Variants in ACOT13 observed in about 807,000 individuals in gnomAD.
ACOT13 encodes acyl-CoA thioesterase 13, also known as acyl-coenzyme A thioesterase 13.
In ACOT13, 10 loss-of-function variants were observed where a neutral mutation model predicts 11.8. The ratio of observed to expected loss-of-function variants is 0.85; its 90% CI spans 0.53 to 1.44. ACOT13 has a LOEUF of 1.44. ACOT13 is among the 40% of genes most tolerant of loss of function. The probability of loss-of-function intolerance (pLI) is 0.00; values close to 1 mark genes in which losing one functional copy is unlikely to be tolerated. For missense variants in ACOT13, 172 were observed against 174.1 expected (o/e 0.99, Z 0.07); for synonymous variants, 53 against 61.0 (o/e 0.87, Z 0.61).
chr6:24,683,485 G>A (rs1050185297), intron 1 of ACOT13, among the ~76,000 whole-genome samples: 1 of 151,918 alleles, frequency 6.6e-6, no homozygotes, highest in Non-Finnish European at 1.5e-5. Context: ...GCAGTGAGCC[G>A]AGATTGTGCT....
intron 1 of ACOT13, among the ~76,000 whole-genome samples, chr6:24,674,566 G>A (rs549124835): frequency 2.6e-5 from 4 of 151,852 alleles, no homozygotes; most frequent in South Asian, 4.2e-4. Context: ...CTGCCACCAC[G>A]CCTGGCTAAT....
chr6:24,680,565 C>T lies in ACOT13; in HGVS notation c.81+13221C>T, dbSNP rs187182921. Among the ~76,000 whole-genome samples the T allele has an allele frequency of 1.6e-4, 25 of 152,216 alleles. No homozygotes were observed. In the East Asian group the frequency reaches 4.6e-3, roughly 28 times the overall value. ...GGACCTCTGCTTATCGGATTAGTTACGCTCACCAATGTAGCAGTCCTGCAC... is the reference window on the plus strand; with the variant it reads ...GGACCTCTGCTTATCGGATTAGTTATGCTCACCAATGTAGCAGTCCTGCAC... On this transcript the variant is annotated intron_variant, in intron 1 of 2. Transcript: ENST00000230048.
intron 1 of ACOT13, among the ~76,000 whole-genome samples, chr6:24,693,673 T>A (rs1367272402): frequency 1.3e-5 from 2 of 151,818 alleles, no homozygotes; most frequent in Non-Finnish European, 2.9e-5. Context: ...CTCTTTGTGA[T>A]GAATTGTATC....
In ACOT13 at chr6:24,673,153, T is replaced by C. The variant is rs372999193; in HGVS notation, c.81+5809T>C. Among the ~76,000 whole-genome samples, 123 of 152,234 alleles carry C rather than the reference T, an allele frequency of 8.1e-4. 4 individuals are homozygous for C. In the East Asian group the frequency reaches 0.019, roughly 23 times the overall value. ...CTCAGTTTTTTCCTAAACATAGGAATTATTTCAACAAAATGTAAACTCTGT... is the reference window on the plus strand; with the variant it reads ...CTCAGTTTTTTCCTAAACATAGGAACTATTTCAACAAAATGTAAACTCTGT... On this transcript the variant is annotated intron_variant, in intron 1 of 2. Coordinates refer to ENST00000230048, the MANE Select transcript of ACOT13 (RefSeq NM_018473.4).
At chr6:24,692,624 G>A (rs1338042631) in intron 1 of ACOT13, among the ~76,000 whole-genome samples, 1 of 152,098 alleles carries the variant, frequency 6.6e-6, no homozygotes. Flanking sequence ...TTGCTGTGTT[G>A]CCCAGGCTGG....
chr6:24,674,067 T>C (rs1051917755), intron 1 of ACOT13, among the ~76,000 whole-genome samples: 5 of 152,200 alleles, frequency 3.3e-5, no homozygotes, highest in African/African-American at 9.7e-5. Flanking sequence ...TTTTGTTTGT[T>C]TGTTTTTTAT....
At chr6:24,668,396 T>C (rs1180462882) in intron 1 of ACOT13, among the ~76,000 whole-genome samples, 1 of 150,530 alleles carries the variant, frequency 6.6e-6, no homozygotes, top group African/African-American at 2.5e-5. Context: ...TAATTCTTTA[T>C]TTTTATTAGA....
At chr6:24,683,173 C>T (rs1490724115) in intron 1 of ACOT13, among the ~76,000 whole-genome samples, 1 of 152,160 alleles carries the variant, frequency 6.6e-6, no homozygotes, top group African/African-American at 2.4e-5. Flanking sequence ...AGGGGCACCT[C>T]CACTCAGATC....
chr6:24,699,208 C>CTTTTTT (rs1248890393), intron 2 of ACOT13, among the ~76,000 whole-genome samples: 2 of 127,134 alleles, frequency 1.6e-5, no homozygotes, highest in African/African-American at 6.1e-5. Flanking sequence ...ATAATGTAGG[C>CTTTTTT]TTTTTTTTTT....
Position 24,667,198 on chromosome 6 carries a change from C to T in ACOT13, c.-66C>T. On this transcript the variant is annotated 5_prime_UTR_variant, in exon 1 of 3. Transcript: ENST00000230048. The stretch of plus-strand genomic sequence containing the variant: ...TGTGTCCTCCTTCTTTCACTAACTT[C>T]TGGACTTTCCAGCTCTTCCGAAGTT... 13 of 1,518,372 alleles carry T rather than the reference C, an allele frequency of 8.6e-6. No homozygotes were observed. The highest frequency in any genetic ancestry group is 1.2e-5 in the Non-Finnish European group (13 of 1,100,266). The allele number at this position is 1,518,372 out of a possible 1,614,324, so 94.1% of individuals were successfully genotyped here. A position where few individuals can be genotyped will look rare whatever the true frequency, so the allele number is the denominator to read the frequency against.
At position 24,702,742 on chromosome 6, in the gene ACOT13, TGTTA is replaced by T. The variant is rs1778914089; in HGVS notation, c.*1130_*1133del. ...CTCAAGAAAAGTTTGAGGCTAAGCATGTTAGTGTTACAGGAAATGGTCCAATAGA... is the reference window on the plus strand; with the variant it reads ...CTCAAGAAAAGTTTGAGGCTAAGCATGTGTTACAGGAAATGGTCCAATAGA... On this transcript the variant is annotated 3_prime_UTR_variant, in exon 3 of 3. Coordinates refer to ENST00000230048, the MANE Select transcript of ACOT13 (RefSeq NM_018473.4). 1 of 152,126 alleles carries T rather than the reference TGTTA, an allele frequency of 6.6e-6. No homozygotes were observed. The highest frequency in any genetic ancestry group is 2.4e-5 in the African/African-American group (1 of 41,416). 9.4% of individuals were successfully genotyped at this position (152,126 alleles called of 1,614,324 possible).
intron 1 of ACOT13, among the ~76,000 whole-genome samples, chr6:24,679,892 T>C (rs1778519022): frequency 6.6e-6 from 1 of 152,206 alleles, no homozygotes; most frequent in Non-Finnish European, 1.5e-5. Context: ...TAATTTGCTT[T>C]AAGTCTGAGA....
intron 1 of ACOT13, among the ~76,000 whole-genome samples, chr6:24,693,687 G>A (rs1451261345): frequency 6.6e-6 from 1 of 151,840 alleles, no homozygotes; most frequent in Non-Finnish European, 1.5e-5. Context: ...TTGTATCTCA[G>A]ATGGGAGAGG....
chr6:24,696,257 C>G (rs1040979769), intron 1 of ACOT13, among the ~76,000 whole-genome samples: 2 of 152,176 alleles, frequency 1.3e-5, no homozygotes, highest in Non-Finnish European at 2.9e-5. Context: ...GTGAAACTCT[C>G]AAATGTCTTC....
intron 1 of ACOT13, among the ~76,000 whole-genome samples, chr6:24,670,423 A>ACTT (rs1778341423): frequency 1.3e-5 from 2 of 152,206 alleles, no homozygotes; most frequent in African/African-American, 4.8e-5. Flanking sequence ...TACTTAGCAC[A>ACTT]TATCAGAAAC....
intron 1 of ACOT13, among the ~76,000 whole-genome samples, chr6:24,691,565 T>C (rs936267236): frequency 6.6e-6 from 1 of 152,170 alleles, no homozygotes; most frequent in Non-Finnish European, 1.5e-5. Flanking sequence ...TGTGTATTCC[T>C]GTAAGTTCTT....
At chr6:24,689,030 CTA>C (rs1778681119) in intron 1 of ACOT13, among the ~76,000 whole-genome samples, 1 of 152,076 alleles carries the variant, frequency 6.6e-6, no homozygotes. Context: ...CCATGAGATA[CTA>C]TGTTTTGCTT....
intron 1 of ACOT13, chr6:24,687,607 A>T: frequency 6.8e-7 from 1 of 1,473,932 alleles, no homozygotes; most frequent in Non-Finnish European, 9.0e-7. Context: ...CACTGGAGAG[A>T]AGCAGTAAAG....
chr6:24,669,015 T>G (rs1012422621), intron 1 of ACOT13, among the ~76,000 whole-genome samples: 1 of 152,224 alleles, frequency 6.6e-6, no homozygotes, highest in Non-Finnish European at 1.5e-5. Flanking sequence ...CTAGGTTCCC[T>G]GCCTCCAGAT....
Sources: gnomAD v4.1 joint callset for allele counts (sites outside exome capture counted in the v4.1 genomes callset) on GRCh38, gnomAD v4.1.1 for gene constraint, MANE v1.5 for transcripts, NCBI Gene and HGNC (gene_info 2026-07-23, HGNC 2026-07-21) for gene names.